SUGCT: variants seen among roughly 807,000 people sequenced by gnomAD.
SUGCT encodes succinyl-CoA:glutarate CoA-transferase.
Under a neutral mutation model 55.0 loss-of-function variants are expected in SUGCT, and 41 were observed. The observed-to-expected ratio is 0.74, with a 90% CI of 0.58 to 0.97. The LOEUF (loss-of-function observed/expected upper bound fraction) is 0.97. Ranked by LOEUF, SUGCT falls within the 50% of genes least tolerant of loss-of-function variation. The probability of loss-of-function intolerance (pLI) is 0.00; values close to 1 mark genes in which losing one functional copy is unlikely to be tolerated. For missense variants in SUGCT, 568 were observed against 547.8 expected (o/e 1.04, Z -0.37); for synonymous variants, 187 against 200.4 (o/e 0.93, Z 0.56).
At chr7:40,670,851 A>C (rs1037447706) in intron 12 of SUGCT, among the ~76,000 whole-genome samples, 17 of 152,194 alleles carry the variant, frequency 1.1e-4, no homozygotes, top group African/African-American at 2.2e-4. Flanking sequence ...GTTAAAAAAA[A>C]CAAAAAAACC....
At chr7:40,582,157 C>T (rs1797133421) in intron 12 of SUGCT, among the ~76,000 whole-genome samples, 1 of 151,764 alleles carries the variant, frequency 6.6e-6, no homozygotes, top group East Asian at 1.9e-4. Flanking sequence ...CTTTCAGAAA[C>T]AATAAAGAAA....
chr7:40,153,543 T>C, intron 1 of SUGCT: 2 of 442,760 alleles, frequency 4.5e-6, no homozygotes, highest in South Asian at 1.8e-5. Flanking sequence ...ATCAACATTT[T>C]GGACCTATGG....
intron 11 of SUGCT, among the ~76,000 whole-genome samples, chr7:40,472,951 CTTCTT>C (rs1330912137): frequency 6.6e-5 from 10 of 152,116 alleles, no homozygotes; most frequent in Admixed American, 2.6e-4. Context: ...ATACAATTGA[CTTCTT>C]TTCAGTTGTA....
chr7:40,578,260 C>A (rs530724713), intron 12 of SUGCT, among the ~76,000 whole-genome samples: 1 of 152,302 alleles, frequency 6.6e-6, no homozygotes, highest in Admixed American at 6.5e-5. Flanking sequence ...CCCTGAAAAT[C>A]CCTTAGTCCT....
chr7:40,543,619 A>G (rs1192279962), intron 12 of SUGCT, among the ~76,000 whole-genome samples: 1 of 152,246 alleles, frequency 6.6e-6, no homozygotes, highest in African/African-American at 2.4e-5. Context: ...CTGGACCATT[A>G]ACTCATGCTA....
the SUGCT span, among the ~76,000 whole-genome samples, chr7:40,931,183 G>T: frequency 6.6e-6 from 1 of 152,164 alleles, no homozygotes; most frequent in African/African-American, 2.4e-5. Flanking sequence ...AGATAATCAT[G>T]TGGTTATTAT....
At chr7:40,304,402 TTTTAA>T (rs1794725196) in intron 8 of SUGCT, among the ~76,000 whole-genome samples, 1 of 151,866 alleles carries the variant, frequency 6.6e-6, no homozygotes, top group Admixed American at 6.5e-5. Flanking sequence ...ATTCTTTTTT[TTTTAA>T]TTTAAATTTA....
chr7:40,261,231 T>C (rs1378435147), intron 7 of SUGCT, among the ~76,000 whole-genome samples: 1 of 152,204 alleles, frequency 6.6e-6, no homozygotes, highest in Non-Finnish European at 1.5e-5. Flanking sequence ...CATAGAACAA[T>C]GAATAAGAGA....
the SUGCT span, chr7:40,979,579 T>A: frequency 6.6e-6 from 1 of 152,226 alleles, no homozygotes; most frequent in African/African-American, 2.4e-5. Context: ...CAGGTGTTGG[T>A]GACATGGTCA....
At chr7:40,764,751 C>T (rs1474586823) in intron 13 of SUGCT, among the ~76,000 whole-genome samples, 3 of 152,152 alleles carry the variant, frequency 2.0e-5, no homozygotes, top group Non-Finnish European at 2.9e-5. Context: ...TGTCAACCTT[C>T]CTGATAGAGG....
chr7:40,259,570 A>AT lies in SUGCT; in HGVS notation c.577-14942dup, dbSNP rs1327660903. 2.6e-5 allele frequency among the ~76,000 whole-genome samples: 4 copies of AT among 152,212 alleles called. No individual in the cohort carries two copies. In the East Asian group the frequency reaches 5.8e-4, roughly 22 times the overall value. ...AAAATATGTTGTACACAGTACATAT[A>AT]TACAATAAAAGAAGAAATACATGGT... is the stretch of plus-strand genomic sequence containing the variant. On this transcript the variant is annotated intron_variant, in intron 7 of 13. Coordinates refer to ENST00000335693, the MANE Select transcript of SUGCT (RefSeq NM_001193313.2).
the SUGCT span, among the ~76,000 whole-genome samples, chr7:40,911,270 C>T: frequency 2.6e-5 from 4 of 152,106 alleles, no homozygotes; most frequent in Admixed American, 6.5e-5. Flanking sequence ...GTATCAAAGT[C>T]TAGATTATTA....
chr7:40,988,982 G>A, the SUGCT span, among the ~76,000 whole-genome samples: 3 of 151,056 alleles, frequency 2.0e-5, no homozygotes, highest in African/African-American at 4.9e-5. Context: ...AATAAAGCAA[G>A]TCACATGCAT....
intron 9 of SUGCT, among the ~76,000 whole-genome samples, chr7:40,391,346 A>G (rs187023430): frequency 6.6e-6 from 1 of 152,236 alleles, no homozygotes; most frequent in Admixed American, 6.5e-5. Flanking sequence ...GTGAACAGGC[A>G]ACCTACAGAA....
chr7:40,462,626 G>A (rs912978378), intron 11 of SUGCT, among the ~76,000 whole-genome samples: 4 of 152,002 alleles, frequency 2.6e-5, no homozygotes, highest in African/African-American at 9.7e-5. Flanking sequence ...AGGTTGAAGT[G>A]GTCTATGCTT....
intron 12 of SUGCT, among the ~76,000 whole-genome samples, chr7:40,615,022 C>T (rs1421932368): frequency 6.6e-6 from 1 of 150,824 alleles, no homozygotes; most frequent in Non-Finnish European, 1.5e-5. Context: ...CGCCATTGCC[C>T]TCCAGCCTGG....
chr7:40,652,491 T>A (rs1363976756), intron 12 of SUGCT, among the ~76,000 whole-genome samples: 1 of 152,220 alleles, frequency 6.6e-6, no homozygotes, highest in African/African-American at 2.4e-5. Context: ...TCCACCTTCA[T>A]GTTTACTACT....
At chr7:40,245,836 C>A (rs1194491916) in intron 7 of SUGCT, among the ~76,000 whole-genome samples, 1 of 151,636 alleles carries the variant, frequency 6.6e-6, no homozygotes, top group African/African-American at 2.4e-5. Context: ...TCACCTCAAG[C>A]ATTTATCATT....
intron 8 of SUGCT, among the ~76,000 whole-genome samples, chr7:40,312,870 T>G (rs948327804): frequency 1.3e-5 from 2 of 152,194 alleles, no homozygotes; most frequent in Admixed American, 1.3e-4. Flanking sequence ...TTTGATGCAG[T>G]GAACCATGGT....
Sources: allele counts gnomAD v4.1 joint callset (sites outside exome capture counted in the v4.1 genomes callset), GRCh38; gene constraint gnomAD v4.1.1; transcripts MANE v1.5; gene names NCBI Gene and HGNC (gene_info 2026-07-23, HGNC 2026-07-21).